The following KAZN variants were observed in gnomAD, a reference collection of about 807,000 sequenced individuals.
KAZN encodes the protein kazrin.
A neutral mutation model predicts 87.4 loss-of-function variants in KAZN; 40 were observed. The ratio of observed to expected loss-of-function variants is 0.46; its 90% CI spans 0.36 to 0.60. The LOEUF is 0.60. Ranked by LOEUF, KAZN falls within the 20% of genes least tolerant of loss-of-function variation. The pLI, the probability that KAZN is intolerant of heterozygous loss-of-function variation, is 0.00. For synonymous variants in KAZN, 466 were observed against 458.3 expected, an observed-to-expected ratio of 1.02 and a Z score of -0.22; for missense variants, 898 against 1,073.9, an observed-to-expected ratio of 0.84 and a Z score of 2.29.
At chr1:14,572,640 G>A (rs184628049) in intron 2 of KAZN, among the ~76,000 whole-genome samples, 2 of 152,122 alleles carry the variant, frequency 1.3e-5, no homozygotes, top group Non-Finnish European at 1.5e-5. Flanking sequence ...CGGCTCTGTC[G>A]CATTGAGCCT....
chr1:14,177,797 T>TGTGG lies in KAZN; in HGVS notation c.92-2638_92-2637insGTGG, dbSNP rs1250513194. ...CTCATTTTCACTGTGTGTGTGTGTTTTTTTTTTTTTTTTTAGTAATTTGAT... is the reference window on the plus strand; with the variant it reads ...CTCATTTTCACTGTGTGTGTGTGTTTGTGGTTTTTTTTTTTTTTAGTAATTTGAT... On this transcript the variant is annotated intron_variant, in intron 1 of 16. Transcript: ENST00000636203. 3.8e-3 allele frequency among the ~76,000 whole-genome samples: 544 copies of TGTGG among 144,714 alleles called. 7 individuals carry two copies. Among genetic ancestry groups the TGTGG allele is most frequent in the African/African-American group, 0.013 (509 of 38,742 alleles). The allele number at this position is 144,714 out of a possible 152,430, so 94.9% of individuals were successfully genotyped here. A position where few individuals can be genotyped will look rare whatever the true frequency, so the allele number is the denominator to read the frequency against.
At chr1:13,989,282 G>C (rs1334719904) in intron 1 of KAZN, among the ~76,000 whole-genome samples, 1 of 151,840 alleles carries the variant, frequency 6.6e-6, no homozygotes. Flanking sequence ...TAAAACTTTG[G>C]GTATATGGCA....
At chr1:14,563,972 T>A (rs1442250034) in intron 2 of KAZN, among the ~76,000 whole-genome samples, 1 of 146,964 alleles carries the variant, frequency 6.8e-6, no homozygotes, top group African/African-American at 2.5e-5. Flanking sequence ...CGGGTTCAAG[T>A]GATTCTCCCA....
At chr1:14,516,829 T>C (rs1388886495) in intron 2 of KAZN, among the ~76,000 whole-genome samples, 1 of 152,128 alleles carries the variant, frequency 6.6e-6, no homozygotes, top group Non-Finnish European at 1.5e-5. Context: ...CTTCTTCTTT[T>C]CTATCACCTT....
At chr1:14,135,013 A>ATG (rs1645078667) in intron 1 of KAZN, among the ~76,000 whole-genome samples, 1 of 77,108 alleles carries the variant, frequency 1.3e-5, no homozygotes, top group Non-Finnish European at 2.7e-5. Context: ...ATGTGCACAC[A>ATG]TGCACACATA....
chr1:15,012,948 A>G (rs573683378), intron 2 of KAZN, among the ~76,000 whole-genome samples: 5 of 152,274 alleles, frequency 3.3e-5, no homozygotes, highest in African/African-American at 9.6e-5. Context: ...GGAAGCGTCA[A>G]GCTCACTCCC....
At chr1:14,346,556 T>G (rs1658123673) in intron 2 of KAZN, among the ~76,000 whole-genome samples, 1 of 152,154 alleles carries the variant, frequency 6.6e-6, no homozygotes, top group Admixed American at 6.5e-5. Flanking sequence ...GGTAGGCTTC[T>G]TTCTTCCTTG....
At chr1:14,302,046 A>G (rs1654593261) in intron 2 of KAZN, among the ~76,000 whole-genome samples, 1 of 152,236 alleles carries the variant, frequency 6.6e-6, no homozygotes, top group African/African-American at 2.4e-5. Flanking sequence ...CTAGTGCAAG[A>G]TCTGGCACTT....
At chr1:14,093,119 T>TGACCCACCTCTGCATCC (rs1361626395) in intron 1 of KAZN, among the ~76,000 whole-genome samples, 2 of 152,240 alleles carry the variant, frequency 1.3e-5, no homozygotes, top group Non-Finnish European at 2.9e-5. Context: ...CATCTGCCTC[T>TGACCCACCTCTGCATCC]GACCCACCTC....
At chr1:14,396,420 A>G (rs918759514) in intron 2 of KAZN, among the ~76,000 whole-genome samples, 4 of 152,218 alleles carry the variant, frequency 2.6e-5, no homozygotes, top group African/African-American at 4.8e-5. Flanking sequence ...ACAGGTTCCA[A>G]AAAATGATGG....
At chr1:14,983,398 G>A (rs1027631142) in intron 2 of KAZN, among the ~76,000 whole-genome samples, 5 of 152,158 alleles carry the variant, frequency 3.3e-5, no homozygotes, top group African/African-American at 1.2e-4. Context: ...CTGAGATATC[G>A]TTGCTCGCCT....
intron 1 of KAZN, among the ~76,000 whole-genome samples, chr1:14,743,586 A>G (rs975122694): frequency 1.3e-4 from 20 of 152,158 alleles, no homozygotes; most frequent in African/African-American, 4.6e-4. Context: ...GTTCCCAGAC[A>G]TGATGAGTCA....
At chr1:14,621,499 C>G (rs935530421) in intron 1 of KAZN, among the ~76,000 whole-genome samples, 4 of 152,208 alleles carry the variant, frequency 2.6e-5, no homozygotes, top group Admixed American at 6.5e-5. Context: ...CAGGCTACCT[C>G]TTAGGACCAC....
intron 1 of KAZN, among the ~76,000 whole-genome samples, chr1:14,790,728 C>G (rs1213007866): frequency 6.6e-6 from 1 of 152,056 alleles, no homozygotes; most frequent in Non-Finnish European, 1.5e-5. Flanking sequence ...TTTTTTTGTT[C>G]TGTTGCTGAG....
intron 1 of KAZN, among the ~76,000 whole-genome samples, chr1:14,859,491 G>T (rs530646828): frequency 1.3e-5 from 2 of 152,052 alleles, no homozygotes. Flanking sequence ...TTGAAAATCC[G>T]GCTCAAATCT....
At chr1:14,509,178 C>T (rs1212453278) in intron 2 of KAZN, among the ~76,000 whole-genome samples, 4 of 152,226 alleles carry the variant, frequency 2.6e-5, no homozygotes, top group Non-Finnish European at 5.9e-5. Flanking sequence ...AATTCAACTA[C>T]TATTTATTAA....
chr1:14,902,870 CT>C (rs1187907962), intron 1 of KAZN, among the ~76,000 whole-genome samples: 2,256 of 137,170 alleles, frequency 0.016, 46 homozygotes, highest in African/African-American at 0.046. Context: ...CCTTCCTTTC[CT>C]TTTTTTTTTT....
chr1:14,182,909 C>T (rs1474557638), intron 2 of KAZN, among the ~76,000 whole-genome samples: 1 of 152,076 alleles, frequency 6.6e-6, no homozygotes, highest in Non-Finnish European at 1.5e-5. Context: ...ATAGGCATCT[C>T]TTAGGTTTTT....
chr1:13,906,036 G>A (rs12048546), intron 1 of KAZN, among the ~76,000 whole-genome samples: 21 of 152,122 alleles, frequency 1.4e-4, no homozygotes, highest in East Asian at 1.4e-3. Context: ...TTCTAAGGAC[G>A]CTTGTGATGG....
Sources: allele counts gnomAD v4.1 joint callset (sites outside exome capture counted in the v4.1 genomes callset), GRCh38; gene constraint gnomAD v4.1.1; transcripts MANE v1.5; gene names NCBI Gene and HGNC (gene_info 2026-07-23, HGNC 2026-07-21).